The following CSMD1 variants were observed in gnomAD, a reference collection of about 807,000 sequenced individuals.
CSMD1 encodes the protein CUB and Sushi multiple domains 1.
CSMD1 carries 213 observed loss-of-function variants against 417.5 expected under a neutral mutation model. The observed-to-expected ratio is 0.51, with a 90% CI of 0.46 to 0.57. CSMD1 has a LOEUF of 0.57. CSMD1 is among the 20% of genes least tolerant of loss of function. The probability of loss-of-function intolerance (pLI) is 0.00; values close to 1 mark genes in which losing one functional copy is unlikely to be tolerated. For synonymous variants in CSMD1, 2,862 were observed against 1,736.8 expected (o/e 1.65, Z -16.11); for missense variants, 6,923 against 4,529.7 (o/e 1.53, Z -15.17).
intron 10 of CSMD1, among the ~76,000 whole-genome samples, chr8:3,562,722 T>C (rs556567805): frequency 2.0e-5 from 3 of 151,812 alleles, no homozygotes; most frequent in South Asian, 4.2e-4. Flanking sequence ...GAGTTACATG[T>C]TAAACAACTG....
chr8:3,257,652 G>C (rs919004401), intron 26 of CSMD1, among the ~76,000 whole-genome samples: 12 of 152,082 alleles, frequency 7.9e-5, no homozygotes, highest in Admixed American at 6.6e-4. Flanking sequence ...CGGGTACCTG[G>C]GGCCAAGGCT....
chr8:3,779,168 T>C (rs1406769061), intron 5 of CSMD1, among the ~76,000 whole-genome samples: 1 of 151,892 alleles, frequency 6.6e-6, no homozygotes, highest in African/African-American at 2.4e-5. Context: ...TGTGTGTGTG[T>C]GTGTGTGTGT....
chr8:3,903,755 T>G (rs1418477989), intron 5 of CSMD1, among the ~76,000 whole-genome samples: 2 of 152,174 alleles, frequency 1.3e-5, no homozygotes, highest in Non-Finnish European at 2.9e-5. Flanking sequence ...TGATGGACTT[T>G]GCCACCTCCC....
At chr8:4,888,832 G>A (rs943233945) in intron 1 of CSMD1, among the ~76,000 whole-genome samples, 3 of 152,032 alleles carry the variant, frequency 2.0e-5, no homozygotes, top group African/African-American at 7.3e-5. Context: ...ACTTCCAATA[G>A]GCATCTGGGA....
intron 3 of CSMD1, among the ~76,000 whole-genome samples, chr8:4,045,126 C>T (rs1416704301): frequency 6.6e-6 from 1 of 152,160 alleles, no homozygotes; most frequent in African/African-American, 2.4e-5. Context: ...GCAGTCACCA[C>T]CTGTGCCCTC....
chr8:4,069,549 C>G (rs569031525), intron 3 of CSMD1, among the ~76,000 whole-genome samples: 1 of 152,146 alleles, frequency 6.6e-6, no homozygotes, highest in Non-Finnish European at 1.5e-5. Flanking sequence ...CCTCCCTCTC[C>G]GCCTCCCATT....
intron 6 of CSMD1, among the ~76,000 whole-genome samples, chr8:3,712,388 G>C (rs940344811): frequency 2.3e-5 from 1 of 42,970 alleles, no homozygotes; most frequent in East Asian, 7.4e-4. Flanking sequence ...GAGAGAGAGA[G>C]AGAGAGAGAG....
In CSMD1 at chr8:4,138,333, G is replaced by T. The variant is rs1235326900; in HGVS notation, c.416-106234C>A. On this transcript the variant is annotated intron_variant, in intron 3 of 69. Coordinates refer to ENST00000635120, the MANE Select transcript of CSMD1 (RefSeq NM_033225.6). ...CTTCAGAGTTGAGATTTACACATTT[G>T]AGTTGTGGCAAAGCTGGGGCAAGGA... Among the ~76,000 whole-genome samples, 2 of 150,462 alleles carry T rather than the reference G, an allele frequency of 1.3e-5. 1 individual carries two copies. Among genetic ancestry groups the T allele is most frequent in the Non-Finnish European group, 2.9e-5 (2 of 67,900 alleles).
chr8:4,032,548 G>A (rs1292036030), intron 3 of CSMD1, among the ~76,000 whole-genome samples: 1 of 152,112 alleles, frequency 6.6e-6, no homozygotes, highest in Non-Finnish European at 1.5e-5. Flanking sequence ...TCCACGACTG[G>A]TACAGTGTCT....
At chr8:3,459,335 G>C (rs1456933789) in intron 12 of CSMD1, among the ~76,000 whole-genome samples, 1 of 152,174 alleles carries the variant, frequency 6.6e-6, no homozygotes, top group African/African-American at 2.4e-5. Flanking sequence ...GTGGGGCACA[G>C]GGTACACAAC....
chr8:4,782,236 G>C (rs1307215395), intron 1 of CSMD1, among the ~76,000 whole-genome samples: 1 of 152,120 alleles, frequency 6.6e-6, no homozygotes, highest in South Asian at 2.1e-4. Context: ...TCTCAAAATA[G>C]CTAGAAAAGA....
At chr8:4,538,950 C>T (rs1399976940) in intron 2 of CSMD1, among the ~76,000 whole-genome samples, 2 of 152,118 alleles carry the variant, frequency 1.3e-5, no homozygotes, top group East Asian at 1.9e-4. Context: ...TTTATTTTTT[C>T]AGCAAAATGC....
At chr8:3,807,809 A>G (rs540107390) in intron 5 of CSMD1, among the ~76,000 whole-genome samples, 1 of 152,222 alleles carries the variant, frequency 6.6e-6, no homozygotes, top group East Asian at 1.9e-4. Context: ...AGATGCACAG[A>G]CCCTCACTGA....
intron 8 of CSMD1, among the ~76,000 whole-genome samples, chr8:3,613,755 C>T (rs1802005956): frequency 1.4e-5 from 2 of 148,136 alleles, no homozygotes; most frequent in African/African-American, 2.5e-5. Context: ...AAATTACAAA[C>T]AGAAGGATAC....
intron 68 of CSMD1, among the ~76,000 whole-genome samples, chr8:2,944,717 A>G (rs775373770): frequency 1.2e-4 from 19 of 152,202 alleles, no homozygotes; most frequent in Non-Finnish European, 2.2e-4. Context: ...TTGTCTGTAT[A>G]GCATTTCAGC....
intron 1 of CSMD1, among the ~76,000 whole-genome samples, chr8:4,860,200 G>C (rs560259819): frequency 2.2e-5 from 3 of 135,168 alleles, no homozygotes; most frequent in African/African-American, 8.4e-5. Context: ...TCATAGGTGG[G>C]AACTGAACAA....
At chr8:4,351,960 T>TA (rs1170384620) in intron 3 of CSMD1, among the ~76,000 whole-genome samples, 2 of 151,066 alleles carry the variant, frequency 1.3e-5, no homozygotes, top group African/African-American at 2.4e-5. Flanking sequence ...TTTTTTTTTT[T>TA]TTTTCAGAAA....
At chr8:4,204,994 T>A (rs1799891101) in intron 3 of CSMD1, among the ~76,000 whole-genome samples, 3 of 152,160 alleles carry the variant, frequency 2.0e-5, no homozygotes, top group Admixed American at 2.0e-4. Context: ...ATAAGAATAA[T>A]TTACCTCCAA....
chr8:3,634,075 TG>T (rs1796916754), intron 7 of CSMD1, among the ~76,000 whole-genome samples: 1 of 81,684 alleles, frequency 1.2e-5, no homozygotes, highest in African/African-American at 4.7e-5. Context: ...TAGGGGGTGG[TG>T]GGGGGAGGGG....
Sources: gnomAD v4.1 joint callset for allele counts (sites outside exome capture counted in the v4.1 genomes callset) on GRCh38, gnomAD v4.1.1 for gene constraint, MANE v1.5 for transcripts, NCBI Gene and HGNC (gene_info 2026-07-23, HGNC 2026-07-21) for gene names.